The following EML4 variants were observed in gnomAD, a reference collection of about 807,000 sequenced individuals.
The protein encoded by EML4 is EMAP like 4, also known as echinoderm microtubule-associated protein-like 4.
EML4 carries 72 observed loss-of-function variants against 129.0 expected under a neutral mutation model. The ratio of observed to expected loss-of-function variants is 0.56; its 90% CI spans 0.46 to 0.68. The LOEUF is 0.68. Ranked by LOEUF, EML4 falls within the 30% of genes least tolerant of loss-of-function variation. The probability of loss-of-function intolerance (pLI) is 0.00; values close to 1 mark genes in which losing one functional copy is unlikely to be tolerated. For synonymous variants in EML4, 532 were observed against 405.0 expected (o/e 1.31, Z -3.77); for missense variants, 1,363 against 1,190.6 (o/e 1.14, Z -2.13).
intron 1 of EML4, among the ~76,000 whole-genome samples, chr2:42,201,717 C>G (rs1397834817): frequency 2.0e-5 from 3 of 152,084 alleles, no homozygotes; most frequent in Admixed American, 2.0e-4. Context: ...GTGGAATAAG[C>G]CAGGCACACA....
At chr2:42,221,427 T>TTTTTTTTTTTA (rs1673589875) in intron 1 of EML4, among the ~76,000 whole-genome samples, 1 of 132,506 alleles carries the variant, frequency 7.5e-6, no homozygotes, top group African/African-American at 3.0e-5. Flanking sequence ...TTTTTTTTTT[T>TTTTTTTTTTTA]GAGACAGGAC....
intron 14 of EML4, 83 bp downstream of exon 14, chr2:42,301,475 C>G: frequency 9.2e-7 from 1 of 1,084,770 alleles, no homozygotes; most frequent in Non-Finnish European, 1.3e-6. Flanking sequence ...TTATACTTTT[C>G]TGGCAAACTT....
At chr2:42,251,685 T>C (rs1675777570) in intron 2 of EML4, among the ~76,000 whole-genome samples, 1 of 152,134 alleles carries the variant, frequency 6.6e-6, no homozygotes, top group South Asian at 2.1e-4. Context: ...ATGTATACAG[T>C]TGGAGCCATG....
intron 1 of EML4, among the ~76,000 whole-genome samples, chr2:42,213,106 C>T (rs565159377): frequency 5.9e-5 from 9 of 152,218 alleles, no homozygotes; most frequent in South Asian, 2.1e-4. Context: ...TAGAATCTTA[C>T]AGCTTTGCCC....
At chr2:42,244,818 T>C (rs1321977337) in intron 1 of EML4, among the ~76,000 whole-genome samples, 1 of 152,164 alleles carries the variant, frequency 6.6e-6, no homozygotes, top group Non-Finnish European at 1.5e-5. Context: ...ACTGTGATAA[T>C]AATGTAATTA....
chr2:42,181,946 G>A (rs113397039), intron 1 of EML4, among the ~76,000 whole-genome samples: 296 of 152,248 alleles, frequency 1.9e-3, no homozygotes, highest in Middle Eastern at 3.4e-3. Context: ...ACATATGTGT[G>A]TGGCAATATA....
rs143102568 is a variant in EML4, at chr2:42,282,874, C to T, written c.843C>T (p.Thr281=). ...DCRANVYLLP[T]GKIVYFIASV... is the part of the protein sequence containing the mutation. ...GAGCTAATGTTTACCTTCTTCCGAC[C>T]GGGAAAATAGTTTATTTCATTGCAT... The change falls in exon 8 of 23, where the codon ACC becomes ACT. Residue 281 remains threonine (T), a synonymous_variant. Coordinates refer to ENST00000318522, the MANE Select transcript of EML4 (RefSeq NM_019063.5). The T allele has an allele frequency of 6.5e-5, 105 of 1,612,272 alleles. 1 individual carries two copies. Among genetic ancestry groups the T allele is most frequent in the South Asian group, 3.5e-4 (32 of 91,034 alleles).
At chr2:42,179,644 C>T (rs1670812899) in intron 1 of EML4, among the ~76,000 whole-genome samples, 1 of 152,128 alleles carries the variant, frequency 6.6e-6, no homozygotes, top group Non-Finnish European at 1.5e-5. Flanking sequence ...GCTCTGTCGC[C>T]CAGGCTGGGG....
In EML4 at chr2:42,330,619, CT is replaced by C. The variant is rs553903131; in HGVS notation, c.*428del. On this transcript the variant is annotated 3_prime_UTR_variant, in exon 23 of 23. Transcript: ENST00000318522. ...TCATCTACTGGCTCAGACTGTACTA[CT>C]TTTTTTTTTTTTTTTCCTGAAAAAG... The C allele has an allele frequency of 0.091, 18,451 of 202,058 alleles. 4 individuals are homozygous for C. Among genetic ancestry groups the C allele is most frequent in the East Asian group, 0.19 (2,280 of 12,310 alleles). The allele number at this position is 202,058 out of a possible 1,614,324, so 12.5% of individuals were successfully genotyped here. A position where few individuals can be genotyped will look rare whatever the true frequency, so the allele number is the denominator to read the frequency against.
chr2:42,221,955 C>T (rs1473630500), intron 1 of EML4, among the ~76,000 whole-genome samples: 1 of 151,908 alleles, frequency 6.6e-6, no homozygotes, highest in African/African-American at 2.4e-5. Context: ...AGGGTGGTCT[C>T]GAACTCCTGG....
intron 1 of EML4, among the ~76,000 whole-genome samples, chr2:42,213,326 T>G (rs189346882): frequency 6.6e-6 from 1 of 152,298 alleles, no homozygotes; most frequent in Admixed American, 6.5e-5. Flanking sequence ...TTTGGCTGTT[T>G]TTGGAATCAC....
intron 7 of EML4, 22 bp from the exon 8 acceptor site, chr2:42,282,801 C>G: frequency 1.2e-6 from 2 of 1,604,152 alleles, no homozygotes; most frequent in Non-Finnish European, 1.7e-6. Context: ...TTATTTAAAA[C>G]CTTGACTCTT....
At chr2:42,300,250 G>A (rs775117058) in intron 13 of EML4, among the ~76,000 whole-genome samples, 1 of 152,138 alleles carries the variant, frequency 6.6e-6, no homozygotes, top group Non-Finnish European at 1.5e-5. Context: ...AACTAATTCT[G>A]TAGGACATCA....
chr2:42,298,533 T>C (rs1257252308), intron 13 of EML4, among the ~76,000 whole-genome samples: 2 of 152,220 alleles, frequency 1.3e-5, no homozygotes, highest in East Asian at 3.8e-4. Flanking sequence ...AAATACTATA[T>C]AAAGGAAACT....
intron 1 of EML4, among the ~76,000 whole-genome samples, chr2:42,239,755 C>T (rs1470148238): frequency 1.6e-5 from 2 of 123,340 alleles, no homozygotes; most frequent in Admixed American, 1.1e-4. Context: ...TACTCCTACT[C>T]TATAATAAAG....
intron 10 of EML4, 69 bp from the exon 11 acceptor site, chr2:42,288,158 G>A (rs967957672): frequency 4.6e-6 from 3 of 651,090 alleles, no homozygotes; most frequent in Non-Finnish European, 7.9e-6. Flanking sequence ...TTAATAAGAT[G>A]GTATTTCTTT....
chr2:42,281,278 A>G (rs1201776767), intron 7 of EML4, among the ~76,000 whole-genome samples: 2 of 151,980 alleles, frequency 1.3e-5, no homozygotes, highest in African/African-American at 4.8e-5. Flanking sequence ...CTGTAATCCC[A>G]GCTACTCGGG....
intron 1 of EML4, among the ~76,000 whole-genome samples, chr2:42,205,055 G>A (rs958063041): frequency 1.3e-5 from 2 of 152,004 alleles, no homozygotes; most frequent in African/African-American, 4.8e-5. Flanking sequence ...ACTTTGATTC[G>A]AGGTCTTTTT....
intron 21 of EML4, among the ~76,000 whole-genome samples, chr2:42,328,178 C>G (rs562651374): frequency 4.3e-4 from 66 of 152,250 alleles, no homozygotes; most frequent in Admixed American, 9.2e-4. Flanking sequence ...TTACCAAAAA[C>G]ATATTTGTTC....
Sources: gnomAD v4.1 joint callset for allele counts (sites outside exome capture counted in the v4.1 genomes callset) on GRCh38, gnomAD v4.1.1 for gene constraint, MANE v1.5 for transcripts, NCBI Gene and HGNC (gene_info 2026-07-23, HGNC 2026-07-21) for gene names.